Variants in LAMA3 observed in about 807,000 individuals in gnomAD.
LAMA3 encodes laminin subunit alpha-3.
A neutral mutation model predicts 402.0 loss-of-function variants in LAMA3; 281 were observed. That is an observed-to-expected ratio of 0.70 (90% CI 0.63 to 0.77). The LOEUF (loss-of-function observed/expected upper bound fraction) is 0.77, where lower values mean the gene tolerates loss of function less well. LAMA3 is among the 30% of genes least tolerant of loss of function. The pLI, the probability that LAMA3 is intolerant of heterozygous loss-of-function variation, is 0.00. For synonymous variants in LAMA3, 1,431 were observed against 1,558.4 expected (o/e 0.92, Z 1.93); for missense variants, 3,840 against 4,215.5 (o/e 0.91, Z 2.47).
chr18:23,833,340 G>A (rs77549091), intron 23 of LAMA3, among the ~76,000 whole-genome samples: 1,992 of 152,188 alleles, frequency 0.013, 42 homozygotes, highest in African/African-American at 0.045. Context: ...TATCCCAGGA[G>A]CGAGATGTGT....
intron 2 of LAMA3, among the ~76,000 whole-genome samples, chr18:23,717,907 G>A (rs899082564): frequency 6.6e-6 from 1 of 151,712 alleles, no homozygotes; most frequent in African/African-American, 2.4e-5. Context: ...CCCTTAAAAC[G>A]TGGTAAATGT....
chr18:23,947,105 G>C (rs576151307), intron 70 of LAMA3, among the ~76,000 whole-genome samples: 115 of 152,336 alleles, frequency 7.5e-4, no homozygotes, highest in Middle Eastern at 3.4e-3. Context: ...TCCCCAGAGA[G>C]GAGGGGTGCT....
At chr18:23,934,240 T>C (rs2082248080) in intron 67 of LAMA3, among the ~76,000 whole-genome samples, 1 of 152,190 alleles carries the variant, frequency 6.6e-6, no homozygotes, top group Admixed American at 6.5e-5. Context: ...GCAGGTCCTA[T>C]GTTTTTCTAT....
intron 11 of LAMA3, among the ~76,000 whole-genome samples, chr18:23,781,715 G>A (rs73969524): frequency 0.02 from 3,112 of 152,234 alleles, 101 homozygotes; most frequent in African/African-American, 0.071. Context: ...CCCAGTCTCC[G>A]GTGATAAGAA....
chr18:23,831,382 G>A (rs1371269467), intron 23 of LAMA3, among the ~76,000 whole-genome samples: 1 of 152,020 alleles, frequency 6.6e-6, no homozygotes, highest in Non-Finnish European at 1.5e-5. Context: ...TCTTGGGCTT[G>A]CATTTTATGG....
intron 25 of LAMA3, among the ~76,000 whole-genome samples, chr18:23,837,584 T>TATATATATATATATATATGTTATTAAG (rs2063612353): frequency 7.0e-6 from 1 of 142,818 alleles, no homozygotes; most frequent in African/African-American, 2.5e-5. Context: ...TATATATATA[T>TATATATATATATATATATGTTATTAAG]ATATATATAT....
At position 23,689,803 on chromosome 18, in the gene LAMA3, G is replaced by T. The variant is rs759796914; in HGVS notation, c.120G>T (p.Gly40=). 31 of 1,537,132 alleles carry T rather than the reference G, an allele frequency of 2.0e-5. No individual in the cohort carries two copies. Among genetic ancestry groups the T allele is most frequent in the Non-Finnish European group, 2.5e-5 (28 of 1,142,310 alleles). Residue 40 remains glycine, a synonymous_variant, in exon 1 of 75, where the codon GGG becomes GGT. Coordinates refer to ENST00000313654, the MANE Select transcript of LAMA3 (RefSeq NM_198129.4). ...PACGATARDP[G]AAAGLSLHPT... is the part of the protein sequence containing the mutation. ...GCGGGGCGACCGCTCGGGATCCCGG[G>T]GCCGCGGCCGGGCTCAGCCTTCACC... is the stretch of plus-strand genomic sequence containing the variant.
intron 23 of LAMA3, among the ~76,000 whole-genome samples, chr18:23,833,502 A>T (rs1002132210): frequency 6.6e-6 from 1 of 152,230 alleles, no homozygotes; most frequent in Non-Finnish European, 1.5e-5. Flanking sequence ...TTGAGAAACA[A>T]GCAGCAAAAA....
chr18:23,824,532 G>T lies in LAMA3; in HGVS notation c.2538G>T (p.Trp846Cys). The T allele has an allele frequency of 6.2e-7, 1 of 1,614,038 alleles. No individual in the cohort carries two copies. Among genetic ancestry groups the T allele is most frequent in the Non-Finnish European group, 8.5e-7 (1 of 1,179,982 alleles). Residue 846 changes from tryptophan (W) to cysteine (C), a missense_variant, in exon 21 of 75, where the codon TGG becomes TGT. Trp to Cys is a radical substitution (Grantham distance 215, BLOSUM62 -2). Coordinates refer to ENST00000313654, the MANE Select transcript of LAMA3 (RefSeq NM_198129.4). ...CATTTTCAATCACACCAGGAATATGGGTTGCTTGTATTAAGGCAGAAGGAG... is the reference window on the plus strand; with the variant it reads ...CATTTTCAATCACACCAGGAATATGTGTTGCTTGTATTAAGGCAGAAGGAG... ...ADPFSITPGI[W>C]VACIKAEGVL... is the part of the protein sequence containing the mutation.
chr18:23,707,278 T>A (rs139476044), intron 1 of LAMA3, among the ~76,000 whole-genome samples: 6 of 152,272 alleles, frequency 3.9e-5, no homozygotes, highest in Non-Finnish European at 7.4e-5. Context: ...CCATTTGTCC[T>A]CTCCAGTTGG....
rs2080604035 is a variant in LAMA3, at chr18:23,890,062, A to G, written c.5355A>G (p.Gln1785=). The G allele has an allele frequency of 1.2e-6, 2 of 1,614,192 alleles. No individual in the cohort carries two copies. The highest frequency in any genetic ancestry group is 1.7e-5 in the Admixed American group (1 of 60,026). Residue 1785 remains glutamine (Q), a synonymous_variant, in exon 42 of 75, where the codon CAA becomes CAG. Transcript: ENST00000313654. Reference sequence around the variant, plus strand: ...CCCAGAAATTCGGAGGTAGCTGCCAACCATGCAGTTGTAACAGCAATGGCC... The same window carrying G: ...CCCAGAAATTCGGAGGTAGCTGCCAGCCATGCAGTTGTAACAGCAATGGCC... ...GNPQKFGGSC[Q]PCSCNSNGQL...
intron 2 of LAMA3, among the ~76,000 whole-genome samples, chr18:23,746,180 A>G (rs2061649291): frequency 6.6e-6 from 1 of 152,162 alleles, no homozygotes; most frequent in South Asian, 2.1e-4. Context: ...TCTGAGCCCA[A>G]ATAAGCACTT....
chr18:23,732,542 G>A (rs1324178740), intron 2 of LAMA3, among the ~76,000 whole-genome samples: 3 of 152,080 alleles, frequency 2.0e-5, no homozygotes, highest in Non-Finnish European at 4.4e-5. Context: ...GCAATCCCTC[G>A]CGGAACCACC....
chr18:23,846,294 C>T lies in LAMA3; in HGVS notation c.3720-3C>T. 1.2e-6 allele frequency: 2 copies of T among 1,614,168 alleles called. No homozygotes were observed. The highest frequency in any genetic ancestry group is 1.7e-6 in the Non-Finnish European group (2 of 1,179,988). The stretch of plus-strand genomic sequence containing the variant: ...TCACCATGAGTTGTTTCTGTCTCCA[C>T]AGCCCCCAGACAGCCTCCAGATTCT... On this transcript the variant is annotated splice_region_variant and splice_polypyrimidine_tract_variant and intron_variant, in intron 30 of 74. Coordinates refer to ENST00000313654, the MANE Select transcript of LAMA3 (RefSeq NM_198129.4).
intron 11 of LAMA3, among the ~76,000 whole-genome samples, 192 bp downstream of exon 11, chr18:23,777,811 C>T (rs900493055): frequency 1.4e-4 from 22 of 152,188 alleles, no homozygotes; most frequent in African/African-American, 5.3e-4. Flanking sequence ...TTTACAAGGG[C>T]ACTACCTGAC....
At position 23,692,876 on chromosome 18, in the gene LAMA3, T is replaced by C. The variant is rs183366559; in HGVS notation, c.294+2899T>C. ...AAATATATAACAATCCAGTTTGAAT[T>C]GATACTAGCTTAACTTCAACAGCAT... On this transcript the variant is annotated intron_variant, in intron 1 of 74. Coordinates refer to ENST00000313654, the MANE Select transcript of LAMA3 (RefSeq NM_198129.4). Among the ~76,000 whole-genome samples the C allele has an allele frequency of 1.9e-3, 283 of 152,324 alleles. 1 individual carries two copies. Among genetic ancestry groups the C allele is most frequent in the African/African-American group, 6.5e-3 (269 of 41,586 alleles).
At position 23,931,397 on chromosome 18, in the gene LAMA3, C is replaced by T. The variant is rs1188500448; in HGVS notation, c.8576+196C>T. 18 of 586,738 alleles carry T rather than the reference C, an allele frequency of 3.1e-5. No homozygotes were observed. The South Asian group carries it at 3.6e-4, about 12-fold the overall frequency. The allele number at this position is 586,738 out of a possible 1,614,324, so 36.3% of individuals were successfully genotyped here. Reference sequence around the variant, plus strand: ...AACTGCCACACATGGTGGCTCATGTCTGTAATCCCAACAACTAAGAAGGCT... The same window carrying T: ...AACTGCCACACATGGTGGCTCATGTTTGTAATCCCAACAACTAAGAAGGCT... On this transcript the variant is annotated intron_variant, in intron 65 of 74. Coordinates refer to ENST00000313654, the MANE Select transcript of LAMA3 (RefSeq NM_198129.4).
chr18:23,763,733 C>T (rs1568159484), intron 8 of LAMA3, among the ~76,000 whole-genome samples: 1 of 152,130 alleles, frequency 6.6e-6, no homozygotes, highest in African/African-American at 2.4e-5. Context: ...TACCCACACC[C>T]CTTTGATCAG....
chr18:23,710,058 TTGA>T lies in LAMA3; in HGVS notation c.295-3857_295-3855del, dbSNP rs1214952591. Reference sequence around the variant, plus strand: ...GGCGGACTCAGTGGTCAGCAGAAACTTGATGATAGCATAGTGGTCAAGCTTGTT... The same window carrying T: ...GGCGGACTCAGTGGTCAGCAGAAACTTGATAGCATAGTGGTCAAGCTTGTT... On this transcript the variant is annotated intron_variant, in intron 1 of 74. Transcript: ENST00000313654. 5.1e-5 allele frequency: 39 copies of T among 766,242 alleles called. No homozygotes were observed. In the African/African-American group the frequency reaches 5.1e-4, roughly 10 times the overall value. The allele number at this position is 766,242 out of a possible 1,614,324, so 47.5% of individuals were successfully genotyped here.
Sources: gnomAD v4.1 joint callset for allele counts (sites outside exome capture counted in the v4.1 genomes callset) on GRCh38, gnomAD v4.1.1 for gene constraint, MANE v1.5 for transcripts, NCBI Gene and HGNC (gene_info 2026-07-23, HGNC 2026-07-21) for gene names.